Variants in FBXO34 observed in about 807,000 individuals in gnomAD.
The protein encoded by FBXO34 is F-box protein 34.
Under a neutral mutation model 24.5 loss-of-function variants are expected in FBXO34, and 12 were observed. The ratio of observed to expected loss-of-function variants is 0.49; its 90% CI spans 0.31 to 0.79. FBXO34 has a LOEUF of 0.79. Among genes scored for constraint, FBXO34 ranks in the 30% least tolerant of loss-of-function variants. The pLI is 0.04. For missense variants in FBXO34, 823 were observed against 857.7 expected, an observed-to-expected ratio of 0.96 and a Z score of 0.51; for synonymous variants, 320 against 311.9, an observed-to-expected ratio of 1.03 and a Z score of -0.27.
downstream of FBXO34, among the ~76,000 whole-genome samples, chr14:55,354,317 C>T (rs1311745801): frequency 6.6e-6 from 1 of 152,180 alleles, no homozygotes; most frequent in Non-Finnish European, 1.5e-5. Context: ...TGTAAACTGG[C>T]CATCTCAGTA....
rs150774150 is a variant in FBXO34 at position 55,317,823 on chromosome 14, C to A, written c.-10-32558C>A. On this transcript the variant is annotated intron_variant, in intron 1 of 1. Transcript: ENST00000313833. The stretch of plus-strand genomic sequence containing the variant: ...CATGCACATGTTCACTTAAACTGTC[C>A]CACCTTACATCGTGATCCCTGGTCC... Among the ~76,000 whole-genome samples, 155 of 152,256 alleles carry A rather than the reference C, an allele frequency of 1.0e-3. 1 individual carries two copies. The highest frequency in any genetic ancestry group is 3.6e-3 in the African/African-American group (148 of 41,550).
At chr14:55,371,822 CAAAG>C (rs1488671595), downstream of FBXO34, among the ~76,000 whole-genome samples, 1 of 151,940 alleles carries the variant, frequency 6.6e-6, no homozygotes, top group East Asian at 1.9e-4. Context: ...AACAAAAAAA[CAAAG>C]AGCCCCTCAG....
chr14:55,389,629 T>G, the FBXO34 span, among the ~76,000 whole-genome samples: 1 of 152,252 alleles, frequency 6.6e-6, no homozygotes, highest in African/African-American at 2.4e-5. Context: ...CAGAAATTCA[T>G]GGACTGCAGC....
downstream of FBXO34, among the ~76,000 whole-genome samples, chr14:55,365,225 CAAAAA>C (rs1175120629): frequency 2.3e-5 from 2 of 88,682 alleles, no homozygotes; most frequent in Admixed American, 1.4e-4. Flanking sequence ...TCTATCATCT[CAAAAA>C]AAAAAAAAAA....
the FBXO34 span, chr14:55,395,834 A>G: frequency 1.4e-6 from 1 of 723,640 alleles, no homozygotes; most frequent in Non-Finnish European, 2.0e-6. Flanking sequence ...TAAGTAGAGG[A>G]CTGCTAAATA....
intron 1 of FBXO34, among the ~76,000 whole-genome samples, chr14:55,297,653 A>G (rs1882187032): frequency 6.6e-6 from 1 of 152,204 alleles, no homozygotes; most frequent in East Asian, 1.9e-4. Flanking sequence ...TAGAACCTCA[A>G]AGAACACTTG....
chr14:55,440,534 CG>C, the FBXO34 span: 1 of 1,604,488 alleles, frequency 6.2e-7, no homozygotes, highest in Non-Finnish European at 8.5e-7. Flanking sequence ...CCGGCCAGGG[CG>C]CAGAGGCCAT....
At chr14:55,289,999 C>G (rs1225056063) in intron 1 of FBXO34, among the ~76,000 whole-genome samples, 1 of 152,086 alleles carries the variant, frequency 6.6e-6, no homozygotes. Context: ...ACTTAAACAA[C>G]AACAAAGTAT....
At chr14:55,395,652 G>A in the FBXO34 span, among the ~76,000 whole-genome samples, 1 of 152,152 alleles carries the variant, frequency 6.6e-6, no homozygotes, top group Non-Finnish European at 1.5e-5. Context: ...CATTTGGAGT[G>A]TGTATGATAA....
At chr14:55,313,266 C>G (rs553590974) in intron 1 of FBXO34, among the ~76,000 whole-genome samples, 2 of 152,164 alleles carry the variant, frequency 1.3e-5, no homozygotes, top group Non-Finnish European at 2.9e-5. Context: ...ACCTTTATTC[C>G]AGTTCTCAAT....
At chr14:55,290,355 G>C (rs1329631594) in intron 1 of FBXO34, among the ~76,000 whole-genome samples, 1 of 151,536 alleles carries the variant, frequency 6.6e-6, no homozygotes, top group African/African-American at 2.4e-5. Flanking sequence ...TCGAGCCATT[G>C]CACTCAAGCC....
the FBXO34 span, among the ~76,000 whole-genome samples, chr14:55,381,514 T>G: frequency 6.6e-6 from 1 of 152,216 alleles, no homozygotes; most frequent in Non-Finnish European, 1.5e-5. Flanking sequence ...CATCAAGTGA[T>G]GAATGAATAA....
At chr14:55,411,251 T>C in the FBXO34 span, among the ~76,000 whole-genome samples, 1 of 152,206 alleles carries the variant, frequency 6.6e-6, no homozygotes, top group African/African-American at 2.4e-5. Context: ...AGCCAAGCTT[T>C]TGAATGGGAG....
chr14:55,333,568 G>A (rs778088431), intron 1 of FBXO34, among the ~76,000 whole-genome samples: 7 of 152,130 alleles, frequency 4.6e-5, no homozygotes, highest in Non-Finnish European at 1.0e-4. Context: ...TAACCAAAAT[G>A]TAAACTTAAC....
chr14:55,442,020 C>T, the FBXO34 span, among the ~76,000 whole-genome samples: 1 of 151,738 alleles, frequency 6.6e-6, no homozygotes, highest in East Asian at 2.0e-4. Flanking sequence ...GCCTTGGCCT[C>T]CCAAAGTGCT....
intron 1 of FBXO34, among the ~76,000 whole-genome samples, chr14:55,338,467 T>C (rs906927952): frequency 6.6e-6 from 1 of 152,068 alleles, no homozygotes; most frequent in Non-Finnish European, 1.5e-5. Context: ...TGGGGTTTTA[T>C]GGGTATTTTG....
the FBXO34 span, chr14:55,437,103 G>A: frequency 8.4e-7 from 1 of 1,195,074 alleles, no homozygotes; most frequent in South Asian, 1.3e-5. Flanking sequence ...TGGCAGGCAG[G>A]CAGGCAATGT....
the FBXO34 span, among the ~76,000 whole-genome samples, chr14:55,423,717 C>T: frequency 2.0e-5 from 3 of 152,162 alleles, no homozygotes; most frequent in Admixed American, 6.6e-5. Flanking sequence ...ATGTAACATT[C>T]AGAGCTGCTT....
At chr14:55,273,798 G>A (rs933882113) in intron 1 of FBXO34, among the ~76,000 whole-genome samples, 11 of 152,080 alleles carry the variant, frequency 7.2e-5, no homozygotes. Flanking sequence ...TAAGTTAGGT[G>A]TACTAGTTTT....
Sources: gnomAD v4.1 joint callset for allele counts (sites outside exome capture counted in the v4.1 genomes callset) on GRCh38, gnomAD v4.1.1 for gene constraint, MANE v1.5 for transcripts, NCBI Gene and HGNC (gene_info 2026-07-23, HGNC 2026-07-21) for gene names.